Variants in MACROD2 observed in about 807,000 individuals in gnomAD.
The protein encoded by MACROD2 is ADP-ribose glycohydrolase MACROD2.
MACROD2 carries 36 observed loss-of-function variants against 70.4 expected under a neutral mutation model. The observed-to-expected ratio is 0.51, with a 90% confidence interval of 0.39 to 0.68. MACROD2 has a LOEUF of 0.68. Ranked by LOEUF, MACROD2 falls within the 30% of genes least tolerant of loss-of-function variation. MACROD2 has a pLI of 0.00. For synonymous variants in MACROD2, 172 were observed against 178.8 expected, an observed-to-expected ratio of 0.96 and a Z score of 0.30; for missense variants, 496 against 538.4, an observed-to-expected ratio of 0.92 and a Z score of 0.78.
chr20:14,136,784 A>G (rs2054803461), intron 3 of MACROD2, among the ~76,000 whole-genome samples: 1 of 152,156 alleles, frequency 6.6e-6, no homozygotes, highest in Admixed American at 6.5e-5. Context: ...ACCCCAGCAA[A>G]CCTTCTATTC....
At chr20:14,410,996 G>A (rs1342858969) in intron 3 of MACROD2, among the ~76,000 whole-genome samples, 4 of 152,114 alleles carry the variant, frequency 2.6e-5, no homozygotes, top group Admixed American at 6.5e-5. Flanking sequence ...GATTTTGGCC[G>A]ACTTGAGGTC....
chr20:14,573,878 G>T (rs542313523), intron 4 of MACROD2, among the ~76,000 whole-genome samples: 1 of 152,326 alleles, frequency 6.6e-6, no homozygotes, highest in South Asian at 2.1e-4. Context: ...GGTTCCAGAA[G>T]AAGAGTTCCA....
chr20:15,428,017 A>G (rs2046321253), intron 6 of MACROD2, among the ~76,000 whole-genome samples: 1 of 152,190 alleles, frequency 6.6e-6, no homozygotes, highest in Admixed American at 6.5e-5. Context: ...ATCTGGTCCA[A>G]AATATCAATA....
chr20:14,047,957 A>G (rs1435064896), intron 2 of MACROD2, among the ~76,000 whole-genome samples: 1 of 152,150 alleles, frequency 6.6e-6, no homozygotes, highest in South Asian at 2.1e-4. Flanking sequence ...TGAAGTTCCC[A>G]GATAAACAGC....
chr20:16,017,330 G>C (rs945549016), intron 15 of MACROD2, among the ~76,000 whole-genome samples: 1 of 152,154 alleles, frequency 6.6e-6, no homozygotes, highest in Non-Finnish European at 1.5e-5. Context: ...TGTGGCTTCT[G>C]TATCCTCAGG....
intron 5 of MACROD2, among the ~76,000 whole-genome samples, chr20:15,024,814 G>A (rs2075217108): frequency 6.6e-6 from 1 of 152,080 alleles, no homozygotes. Context: ...ATTTAGTGTT[G>A]TAGGTATTTT....
intron 8 of MACROD2, among the ~76,000 whole-genome samples, chr20:15,664,296 T>C (rs1307860444): frequency 6.6e-6 from 1 of 152,174 alleles, no homozygotes; most frequent in Non-Finnish European, 1.5e-5. Flanking sequence ...GGGTTTAGAT[T>C]AAATGATCAA....
intron 8 of MACROD2, among the ~76,000 whole-genome samples, chr20:15,575,227 A>G (rs752706612): frequency 1.3e-5 from 2 of 152,140 alleles, no homozygotes; most frequent in East Asian, 1.9e-4. Context: ...ATAAGGATCC[A>G]CTTTCATATT....
rs1327048778 is a variant in MACROD2 at position 15,282,933 on chromosome 20, G to T, written c.540+52872G>T. ...AGGAAAGAGGTTTAATTGACTCACAGTTCTGCATTGTTGGGAGGCCTCAGG... is the reference window on the plus strand; with the variant it reads ...AGGAAAGAGGTTTAATTGACTCACATTTCTGCATTGTTGGGAGGCCTCAGG... On this transcript the variant is annotated intron_variant, in intron 6 of 17. Coordinates refer to ENST00000684519, the MANE Select transcript of MACROD2 (RefSeq NM_001351661.2). 3.9e-5 allele frequency among the ~76,000 whole-genome samples: 6 copies of T among 152,192 alleles called. No homozygotes were observed. The South Asian group carries it at 1.0e-3, about 26-fold the overall frequency.
At chr20:14,536,997 A>C (rs1282509399) in intron 4 of MACROD2, among the ~76,000 whole-genome samples, 2 of 152,168 alleles carry the variant, frequency 1.3e-5, no homozygotes, top group African/African-American at 4.8e-5. Flanking sequence ...CTGTAGATTT[A>C]GTCAGAAAGG....
At chr20:14,684,658 C>CTT (rs1434892635) in intron 4 of MACROD2, among the ~76,000 whole-genome samples, 185 bp from the exon 5 acceptor site, 3 of 146,996 alleles carry the variant, frequency 2.0e-5, no homozygotes, top group African/African-American at 7.4e-5. Context: ...ACCCCCCCCC[C>CTT]CCGGCCCCCG....
chr20:15,459,437 A>C (rs113310743), intron 7 of MACROD2, among the ~76,000 whole-genome samples: 45 of 152,246 alleles, frequency 3.0e-4, no homozygotes, highest in African/African-American at 1.1e-3. Flanking sequence ...AATACCTGCC[A>C]TATTAATGGC....
chr20:14,738,307 C>T (rs941448018), intron 5 of MACROD2, among the ~76,000 whole-genome samples: 2 of 151,932 alleles, frequency 1.3e-5, no homozygotes, highest in Non-Finnish European at 2.9e-5. Context: ...ACACTCTTTC[C>T]GATCATAAAG....
chr20:15,832,895 A>G (rs1177634718), intron 8 of MACROD2, among the ~76,000 whole-genome samples: 1 of 152,186 alleles, frequency 6.6e-6, no homozygotes, highest in African/African-American at 2.4e-5. Flanking sequence ...ATTGCAAAAC[A>G]ATTATAGTCA....
intron 6 of MACROD2, among the ~76,000 whole-genome samples, chr20:15,295,050 G>A (rs1432358016): frequency 6.6e-6 from 1 of 152,160 alleles, no homozygotes; most frequent in Admixed American, 6.5e-5. Context: ...GGACCCAGTG[G>A]GAGGTAATTG....
Position 14,155,454 on chromosome 20 carries a change from C to G in MACROD2, c.271+69726C>G, listed in dbSNP as rs144587261. On this transcript the variant is annotated intron_variant, in intron 3 of 17. Coordinates refer to ENST00000684519, the MANE Select transcript of MACROD2 (RefSeq NM_001351661.2). ...GCTATTTCACGTATAGATTGATTAT[C>G]TGTGGTATAAGGAATGTCACAAATT... is the stretch of plus-strand genomic sequence containing the variant. Among the ~76,000 whole-genome samples, 483 of 152,264 alleles carry G rather than the reference C, an allele frequency of 3.2e-3. 2 individuals carry two copies. The highest frequency in any genetic ancestry group is 0.011 in the African/African-American group (457 of 41,554).
chr20:14,879,036 A>G (rs769821619), intron 5 of MACROD2, among the ~76,000 whole-genome samples: 23 of 152,060 alleles, frequency 1.5e-4, no homozygotes, highest in Non-Finnish European at 2.9e-4. Context: ...ACATAACACT[A>G]TTTTGTGCTT....
intron 5 of MACROD2, among the ~76,000 whole-genome samples, chr20:14,988,241 A>G (rs570041889): frequency 1.5e-3 from 221 of 150,818 alleles, no homozygotes; most frequent in Non-Finnish European, 2.6e-3. Flanking sequence ...GCGTACACCT[A>G]TAATTTCAAC....
chr20:15,043,740 C>T lies in MACROD2; in HGVS notation c.419-186200C>T, dbSNP rs78783058. Reference sequence around the variant, plus strand: ...CCACTTCAGATGCCAGTCACACATCCAGGCTTCCCGTATTTCTGACCAACC... The same window carrying T: ...CCACTTCAGATGCCAGTCACACATCTAGGCTTCCCGTATTTCTGACCAACC... On this transcript the variant is annotated intron_variant, in intron 5 of 17. Coordinates refer to ENST00000684519, the MANE Select transcript of MACROD2 (RefSeq NM_001351661.2). Among the ~76,000 whole-genome samples the T allele has an allele frequency of 8.4e-3, 1,286 of 152,246 alleles. 16 individuals carry two copies. The highest frequency in any genetic ancestry group is 0.03 in the African/African-American group (1,235 of 41,538).
Sources: gnomAD v4.1 joint callset for allele counts (sites outside exome capture counted in the v4.1 genomes callset) on GRCh38, gnomAD v4.1.1 for gene constraint, MANE v1.5 for transcripts, NCBI Gene and HGNC (gene_info 2026-07-23, HGNC 2026-07-21) for gene names.